GLCCI1: variants seen among roughly 807,000 people sequenced by gnomAD.
GLCCI1 encodes the protein glucocorticoid-induced transcript 1 protein.
GLCCI1 carries 24 observed loss-of-function variants against 52.2 expected under a neutral mutation model. The ratio of observed to expected loss-of-function variants is 0.46; its 90% confidence interval spans 0.33 to 0.65. The LOEUF (loss-of-function observed/expected upper bound fraction) is 0.65, where lower values mean the gene tolerates loss of function less well. Among genes scored for constraint, GLCCI1 ranks in the 30% least tolerant of loss-of-function variants. The pLI, the probability that GLCCI1 is intolerant of heterozygous loss-of-function variation, is 0.02. For missense variants in GLCCI1, 704 were observed against 701.5 expected, an observed-to-expected ratio of 1.00 and a Z score of -0.04; for synonymous variants, 310 against 276.5, an observed-to-expected ratio of 1.12 and a Z score of -1.20.
At chr7:8,078,345 C>G (rs192295804) in intron 6 of GLCCI1, among the ~76,000 whole-genome samples, 1 of 151,812 alleles carries the variant, frequency 6.6e-6, no homozygotes, top group African/African-American at 2.4e-5. Flanking sequence ...CTATAACTCA[C>G]GTTGACACAG....
At chr7:7,970,697 GT>G (rs1308264595) in intron 1 of GLCCI1, among the ~76,000 whole-genome samples, 1 of 152,152 alleles carries the variant, frequency 6.6e-6, no homozygotes, top group Non-Finnish European at 1.5e-5. Context: ...TTTTGTTTAT[GT>G]CTAGGGACAC....
intron 1 of GLCCI1, among the ~76,000 whole-genome samples, chr7:7,970,148 T>C (rs567542643): frequency 3.3e-5 from 5 of 152,320 alleles, no homozygotes; most frequent in African/African-American, 1.2e-4. Context: ...ACACAAACTC[T>C]TCAGCAGCGG....
chr7:8,070,463 TA>T (rs954163795), intron 5 of GLCCI1: 3 of 155,206 alleles, frequency 1.9e-5, no homozygotes, highest in African/African-American at 7.2e-5. Context: ...CTCTAAAAAT[TA>T]AACTAGGAAG....
At chr7:8,050,695 G>A (rs1163882223) in intron 3 of GLCCI1, among the ~76,000 whole-genome samples, 1 of 151,036 alleles carries the variant, frequency 6.6e-6, no homozygotes, top group Non-Finnish European at 1.5e-5. Context: ...TGTAATTTTT[G>A]TAAGATTTAT....
At chr7:8,017,673 T>A (rs1398900521) in intron 2 of GLCCI1, among the ~76,000 whole-genome samples, 2 of 152,182 alleles carry the variant, frequency 1.3e-5, no homozygotes, top group African/African-American at 4.8e-5. Flanking sequence ...CTGCTATTGC[T>A]GAATTCCTAA....
At chr7:7,970,464 C>G (rs930162585) in intron 1 of GLCCI1, 3 of 148,522 alleles carry the variant, frequency 2.0e-5, no homozygotes, top group African/African-American at 7.5e-5. Context: ...TCAGAGCACT[C>G]CTGCACTGGA....
intron 3 of GLCCI1, among the ~76,000 whole-genome samples, chr7:8,030,630 C>G (rs1290673653): frequency 1.3e-5 from 2 of 152,048 alleles, no homozygotes; most frequent in African/African-American, 4.8e-5. Context: ...TTGCAAACTA[C>G]CCACCTAACA....
chr7:8,055,338 A>G, intron 3 of GLCCI1, 95 bp from the exon 4 acceptor site: 1 of 617,868 alleles, frequency 1.6e-6, no homozygotes. Context: ...AAACTTGAAA[A>G]TGTTTTAATC....
intron 1 of GLCCI1, among the ~76,000 whole-genome samples, chr7:7,985,510 C>T (rs754680531): frequency 6.0e-5 from 9 of 149,616 alleles, no homozygotes; most frequent in African/African-American, 7.5e-5. Flanking sequence ...CAAACCTGCA[C>T]GTCCTGCACA....
chr7:8,022,960 G>A (rs10243846), intron 3 of GLCCI1, among the ~76,000 whole-genome samples: 63,984 of 152,002 alleles, frequency 0.42, 13,737 homozygotes, highest in Middle Eastern at 0.52. Context: ...TTAAGTTGTA[G>A]CAACCAGAGC....
chr7:8,067,627 A>G (rs567995239), intron 5 of GLCCI1, among the ~76,000 whole-genome samples: 1 of 152,246 alleles, frequency 6.6e-6, no homozygotes, highest in South Asian at 2.1e-4. Context: ...TCCTGTGCTT[A>G]TGTAGCTTAG....
intron 5 of GLCCI1, among the ~76,000 whole-genome samples, chr7:8,064,893 A>G (rs1043432292): frequency 6.6e-6 from 1 of 151,468 alleles, no homozygotes; most frequent in Non-Finnish European, 1.5e-5. Context: ...TTTTTTTTGT[A>G]TTTTAGTAGA....
At chr7:8,079,373 T>A (rs1291854516) in intron 6 of GLCCI1, among the ~76,000 whole-genome samples, 1 of 151,840 alleles carries the variant, frequency 6.6e-6, no homozygotes, top group African/African-American at 2.4e-5. Flanking sequence ...GTGATTTTCT[T>A]GAGATACCTA....
At chr7:8,074,889 G>T (rs1782843663) in intron 6 of GLCCI1, among the ~76,000 whole-genome samples, 7 of 152,120 alleles carry the variant, frequency 4.6e-5, no homozygotes. Flanking sequence ...AGTTGCTGTG[G>T]AGAGATTTGT....
chr7:8,044,756 T>C (rs981501612), intron 3 of GLCCI1, among the ~76,000 whole-genome samples: 1 of 152,206 alleles, frequency 6.6e-6, no homozygotes, highest in Non-Finnish European at 1.5e-5. Context: ...GTAAAAGCAC[T>C]TGTATATAAT....
At chr7:8,082,851 TGA>T (rs1328689767) in intron 6 of GLCCI1, among the ~76,000 whole-genome samples, 5 of 152,242 alleles carry the variant, frequency 3.3e-5, no homozygotes, top group Non-Finnish European at 7.3e-5. Context: ...CCTTCAGTTA[TGA>T]GAAAGTCCTT....
chr7:7,981,341 G>A (rs1221908824), intron 1 of GLCCI1: 2 of 233,020 alleles, frequency 8.6e-6, no homozygotes, highest in Non-Finnish European at 1.6e-5. Context: ...TTTTTTTGTT[G>A]AGATGGAGTC....
At chr7:8,071,206 C>CTTTT in intron 6 of GLCCI1, 75 bp downstream of exon 6, 1 of 884,446 alleles carries the variant, frequency 1.1e-6, no homozygotes, top group Non-Finnish European at 1.6e-6. Flanking sequence ...ACCATTACAT[C>CTTTT]TTTTTTTTTT....
chr7:8,008,155 T>A (rs1308151556), intron 2 of GLCCI1, among the ~76,000 whole-genome samples: 1 of 152,204 alleles, frequency 6.6e-6, no homozygotes, highest in Admixed American at 6.5e-5. Flanking sequence ...GTCATTATGA[T>A]GTATAGTAGA....
Sources: allele counts gnomAD v4.1 joint callset (sites outside exome capture counted in the v4.1 genomes callset), GRCh38; gene constraint gnomAD v4.1.1; transcripts MANE v1.5; gene names NCBI Gene and HGNC (gene_info 2026-07-23, HGNC 2026-07-21).